Variants in SKAP2 observed in about 807,000 individuals in gnomAD.
SKAP2 encodes src kinase associated phosphoprotein 2.
A neutral mutation model predicts 54.9 loss-of-function variants in SKAP2; 28 were observed. The ratio of observed to expected loss-of-function variants is 0.51; its 90% CI spans 0.38 to 0.70. The LOEUF is 0.70. Among genes scored for constraint, SKAP2 ranks in the 30% least tolerant of loss-of-function variants. The pLI is 0.00. For missense variants in SKAP2, 356 were observed against 424.1 expected, an observed-to-expected ratio of 0.84 and a Z score of 1.41; for synonymous variants, 137 against 134.3, an observed-to-expected ratio of 1.02 and a Z score of -0.14.
chr7:26,680,891 T>C (rs1199266030), intron 11 of SKAP2, among the ~76,000 whole-genome samples: 1 of 152,082 alleles, frequency 6.6e-6, no homozygotes, highest in Non-Finnish European at 1.5e-5. Flanking sequence ...CTGCCTACTC[T>C]TCTTTCTTTA....
intron 9 of SKAP2, among the ~76,000 whole-genome samples, chr7:26,701,758 CAAATAAATAAAT>C (rs10672161): frequency 1.1e-5 from 1 of 91,266 alleles, no homozygotes; most frequent in Non-Finnish European, 2.7e-5. Flanking sequence ...AATAAATAAA[CAAATAAATAAAT>C]AAAACTTGCA....
intron 1 of SKAP2, among the ~76,000 whole-genome samples, chr7:26,862,779 T>TCC (rs1562639976): frequency 6.6e-6 from 1 of 152,112 alleles, no homozygotes; most frequent in African/African-American, 2.4e-5. Context: ...CAAACTGTAC[T>TCC]ATGGGAGGTA....
At chr7:26,725,587 G>C (rs1032311537) in intron 8 of SKAP2, 22 bp from the exon 9 acceptor site, 2 of 1,549,966 alleles carry the variant, frequency 1.3e-6, no homozygotes, top group Non-Finnish European at 1.7e-6. Context: ...ATTTCATGAA[G>C]TAAATTTTAA....
rs1430197226 is a variant in SKAP2, at chr7:26,669,156, T to C, written c.*510A>G. 1 of 152,212 alleles carries C rather than the reference T, an allele frequency of 6.6e-6. No individual in the cohort carries two copies. The allele number at this position is 152,212 out of a possible 1,614,324, so 9.4% of individuals were successfully genotyped here. On this transcript the variant is annotated 3_prime_UTR_variant, in exon 13 of 13. Transcript: ENST00000345317. ...TAAATAATAACAATAAAGTTATCTA[T>C]AAAGTTTGAACATTCTTTAGCATTC...
intron 4 of SKAP2, among the ~76,000 whole-genome samples, chr7:26,838,288 G>T (rs995048763): frequency 1.3e-5 from 2 of 151,760 alleles, no homozygotes; most frequent in Admixed American, 6.6e-5. Context: ...CTACCTCCAA[G>T]ACCCCCTCCA....
chr7:26,708,594 C>T (rs1787223367), intron 9 of SKAP2, among the ~76,000 whole-genome samples: 1 of 152,148 alleles, frequency 6.6e-6, no homozygotes, highest in Non-Finnish European at 1.5e-5. Flanking sequence ...AATCCTTTTA[C>T]TTTCATCTTC....
intron 1 of SKAP2, among the ~76,000 whole-genome samples, chr7:26,856,709 C>T (rs945716838): frequency 3.3e-5 from 5 of 152,108 alleles, no homozygotes; most frequent in African/African-American, 1.2e-4. Flanking sequence ...AGCAACATCC[C>T]TACTGCTGAT....
At chr7:26,769,186 G>A (rs181763328) in intron 4 of SKAP2, among the ~76,000 whole-genome samples, 73 of 152,086 alleles carry the variant, frequency 4.8e-4, no homozygotes, top group Non-Finnish European at 9.7e-4. Flanking sequence ...TTGTCTTCAC[G>A]CTTTATTTTG....
intron 4 of SKAP2, among the ~76,000 whole-genome samples, chr7:26,803,104 C>T (rs1450531262): frequency 1.3e-5 from 2 of 152,090 alleles, no homozygotes; most frequent in African/African-American, 4.8e-5. Flanking sequence ...GCAACCAAAG[C>T]AAACATGGAC....
chr7:26,770,855 T>C (rs937211505), intron 4 of SKAP2, among the ~76,000 whole-genome samples: 4 of 152,186 alleles, frequency 2.6e-5, no homozygotes, highest in African/African-American at 7.2e-5. Flanking sequence ...ACCTGCCTTC[T>C]GCATTGGTCT....
intron 4 of SKAP2, among the ~76,000 whole-genome samples, chr7:26,789,088 C>G (rs1289364827): frequency 1.1e-4 from 17 of 152,082 alleles, no homozygotes; most frequent in Admixed American, 1.0e-3. Context: ...TTGTTCTACT[C>G]TGTTAGAGTA....
chr7:26,684,529 T>C (rs1562574533), intron 11 of SKAP2, among the ~76,000 whole-genome samples: 1 of 152,202 alleles, frequency 6.6e-6, no homozygotes, highest in Non-Finnish European at 1.5e-5. Flanking sequence ...AAACACACTG[T>C]TAAGTTGAAT....
intron 4 of SKAP2, among the ~76,000 whole-genome samples, chr7:26,785,226 G>C (rs1783517092): frequency 6.6e-6 from 1 of 151,832 alleles, no homozygotes; most frequent in African/African-American, 2.4e-5. Context: ...TCACTCTGTT[G>C]TCCAGGCTGG....
At chr7:26,844,983 C>G (rs1259903014) in intron 3 of SKAP2, among the ~76,000 whole-genome samples, 2 of 151,956 alleles carry the variant, frequency 1.3e-5, no homozygotes, top group African/African-American at 4.8e-5. Context: ...TTTAAAAAAA[C>G]ACAAATATTT....
At chr7:26,818,614 A>G (rs903665178) in intron 4 of SKAP2, among the ~76,000 whole-genome samples, 1 of 152,232 alleles carries the variant, frequency 6.6e-6, no homozygotes, top group Non-Finnish European at 1.5e-5. Flanking sequence ...ACAGCAGAAG[A>G]AACTGTCATC....
At chr7:26,764,475 C>A (rs960384736) in intron 4 of SKAP2, among the ~76,000 whole-genome samples, 1 of 151,996 alleles carries the variant, frequency 6.6e-6, no homozygotes, top group Non-Finnish European at 1.5e-5. Context: ...CTTTCCAATT[C>A]TATTATTCAT....
chr7:26,688,080 T>C (rs998345359), intron 10 of SKAP2, among the ~76,000 whole-genome samples: 7 of 152,096 alleles, frequency 4.6e-5, no homozygotes, highest in South Asian at 2.1e-4. Flanking sequence ...GAAGAGATCA[T>C]TGGGCAAAGC....
chr7:26,827,211 T>C (rs1784508951), intron 4 of SKAP2, among the ~76,000 whole-genome samples: 1 of 152,184 alleles, frequency 6.6e-6, no homozygotes, highest in Non-Finnish European at 1.5e-5. Context: ...GAGGCATTTA[T>C]ACAAAACAAC....
intron 4 of SKAP2, among the ~76,000 whole-genome samples, chr7:26,822,474 T>C (rs1338425619): frequency 6.6e-6 from 1 of 152,120 alleles, no homozygotes; most frequent in African/African-American, 2.4e-5. Context: ...TAATAATAAA[T>C]GTATGTCCTC....
Sources: allele counts gnomAD v4.1 joint callset (sites outside exome capture counted in the v4.1 genomes callset), GRCh38; gene constraint gnomAD v4.1.1; transcripts MANE v1.5; gene names NCBI Gene and HGNC (gene_info 2026-07-23, HGNC 2026-07-21).